Variants in WDR5 observed in about 807,000 individuals in gnomAD.
The protein encoded by WDR5 is WD repeat domain 5, also known as WD repeat-containing protein 5.
For missense variants in WDR5, 187 were observed against 416.9 expected (o/e 0.45, Z 4.80); for synonymous variants, 144 against 161.6 (o/e 0.89, Z 0.83).
intron 8 of WDR5, among the ~76,000 whole-genome samples, chr9:134,150,235 C>T (rs1832422675): frequency 6.6e-6 from 1 of 152,130 alleles, no homozygotes; most frequent in South Asian, 2.1e-4. Flanking sequence ...AAAGGAATTC[C>T]CATAGCCAAG....
chr9:134,155,266 T>A, intron 10 of WDR5, 74 bp from the exon 11 acceptor site: 1 of 1,465,570 alleles, frequency 6.8e-7, no homozygotes, highest in Non-Finnish European at 9.1e-7. Context: ...TGTGACGTAG[T>A]GGCTGCAGAG....
intron 7 of WDR5, among the ~76,000 whole-genome samples, chr9:134,147,423 C>T (rs950790059): frequency 1.3e-5 from 2 of 152,174 alleles, no homozygotes; most frequent in Admixed American, 1.3e-4. Flanking sequence ...TCTGGGGACA[C>T]ATGGCAATGT....
chr9:134,156,699 ACCT>A (rs1832760242), intron 13 of WDR5, 106 bp downstream of exon 13: 1 of 1,095,914 alleles, frequency 9.1e-7, no homozygotes, highest in African/African-American at 1.6e-5. Context: ...TCCCCTTCCC[ACCT>A]CAGCCCTCCG....
In WDR5 at chr9:134,154,450, T is replaced by TC. The variant is rs1214380722; in HGVS notation, c.632-14dup. On this transcript the variant is annotated splice_polypyrimidine_tract_variant and intron_variant, in intron 9 of 13. Coordinates refer to ENST00000358625, the MANE Select transcript of WDR5 (RefSeq NM_017588.3). ...GTCAGCGCCCGCCGTGTGTCACCTG[T>TC]CCGTTTTTATTGCAGATGACGACAA... 1.6e-5 allele frequency: 26 copies of TC among 1,613,924 alleles called. No individual in the cohort carries two copies. In the Admixed American group the frequency reaches 4.3e-4, roughly 27 times the overall value.
chr9:134,148,269 T>C lies in WDR5; in HGVS notation c.529-19T>C. Reference sequence around the variant, plus strand: ...TTGAAAGTAAGTTTTTGTCTCTTCTTCCTCTCCTTAATTCCTAGGTTCATT... The same window carrying C: ...TTGAAAGTAAGTTTTTGTCTCTTCTCCCTCTCCTTAATTCCTAGGTTCATT... On this transcript the variant is annotated intron_variant, in intron 7 of 13. Coordinates refer to ENST00000358625, the MANE Select transcript of WDR5 (RefSeq NM_017588.3). The C allele has an allele frequency of 6.3e-7, 1 of 1,597,458 alleles. No homozygotes were observed. The highest frequency in any genetic ancestry group is 8.5e-7 in the Non-Finnish European group (1 of 1,169,838).
rs1436917116 is a variant in WDR5 at position 134,159,393 on chromosome 9, C to G, written c.*1400C>G. 6.6e-6 allele frequency: 1 copy of G among 152,500 alleles called. No homozygotes were observed. The highest frequency in any genetic ancestry group is 2.4e-5 in the African/African-American group (1 of 41,440). 9.4% of individuals were successfully genotyped at this position (152,500 alleles called of 1,614,324 possible). A position where few individuals can be genotyped will look rare whatever the true frequency, so the allele number is the denominator to read the frequency against. ...TGGCCCCGGAGCCCAGCCAGCTCTGCCTCTCTCAGGGCCTGGAGTCCTGGG... is the reference window on the plus strand; with the variant it reads ...TGGCCCCGGAGCCCAGCCAGCTCTGGCTCTCTCAGGGCCTGGAGTCCTGGG... On this transcript the variant is annotated 3_prime_UTR_variant, in exon 14 of 14. Coordinates refer to ENST00000358625, the MANE Select transcript of WDR5 (RefSeq NM_017588.3). The surrounding 1 kb of genome is among the most constrained non-coding windows in gnomAD (Gnocchi z 4.3).
chr9:134,139,927 C>T lies in WDR5; in HGVS notation c.50C>T (p.Pro17Leu). 1 of 1,613,608 alleles carries T rather than the reference C, an allele frequency of 6.2e-7. No individual in the cohort carries two copies. Among genetic ancestry groups the T allele is most frequent in the Non-Finnish European group, 8.5e-7 (1 of 1,180,006 alleles). The change falls in exon 2 of 14, where the codon CCA (proline) becomes CTA (leucine). Residue 17 changes from proline (P) to leucine (L), a missense_variant. Physicochemically the swap from Pro to Leu is moderately conservative, Grantham distance 98. Coordinates refer to ENST00000358625, the MANE Select transcript of WDR5 (RefSeq NM_017588.3). ...GAGACCGAGGCCGCCAGAGCACAGC[C>T]AACCCCTTCGTCATCCGCCACTCAG... ...KPETEAARAQ[P>L]TPSSSATQSK... is the part of the protein sequence containing the mutation.
In WDR5 at chr9:134,142,404, C is replaced by T; in HGVS notation, c.426C>T (p.Asn142=). The change falls in exon 6 of 14, where the codon AAC becomes AAT. Residue 142 remains asparagine (N), a synonymous_variant. Transcript: ENST00000358625. ...GCTGCAACTTCAATCCCCAGTCCAA[C>T]CTTATTGTCTCAGGATCCGTAAGTG... ...VFCCNFNPQS[N]LIVSGSFDES... 13 of 1,614,194 alleles carry T rather than the reference C, an allele frequency of 8.1e-6. No individual in the cohort carries two copies. Among genetic ancestry groups the T allele is most frequent in the Non-Finnish European group, 1.1e-5 (13 of 1,180,030 alleles).
Position 134,151,964 on chromosome 9 carries a change from T to TG in WDR5, c.585-18dup. On this transcript the variant is annotated intron_variant, in intron 8 of 13. Transcript: ENST00000358625. Reference sequence around the variant, plus strand: ...CATAACTTGTCTGCTTACGCTTTTTTGTTCTCTTTGCTTCGAAGTCGCATC... The same window carrying TG: ...CATAACTTGTCTGCTTACGCTTTTTTGGTTCTCTTTGCTTCGAAGTCGCATC... The TG allele has an allele frequency of 6.2e-7, 1 of 1,612,950 alleles. No individual in the cohort carries two copies.
intron 1 of WDR5, among the ~76,000 whole-genome samples, chr9:134,137,679 A>C (rs1474065100): frequency 6.6e-5 from 9 of 136,632 alleles, no homozygotes; most frequent in Non-Finnish European, 9.7e-5. Context: ...AAAAAAAAAC[A>C]AAAACAAAAA....
intron 8 of WDR5, 84 bp from the exon 9 acceptor site, chr9:134,151,899 C>A: frequency 7.1e-7 from 1 of 1,401,088 alleles, no homozygotes; most frequent in South Asian, 1.3e-5. Flanking sequence ...GCGTGCTAGT[C>A]CTAAAATTTA....
chr9:134,153,892 C>CCT (rs1171384335), intron 9 of WDR5, among the ~76,000 whole-genome samples: 1 of 152,192 alleles, frequency 6.6e-6, no homozygotes, highest in Admixed American at 6.5e-5. Context: ...AAAACTCTGA[C>CCT]CTGTACATCG....
intron 5 of WDR5, 38 bp downstream of exon 5, chr9:134,142,076 G>T: frequency 6.3e-7 from 1 of 1,596,040 alleles, no homozygotes. Flanking sequence ...GGGGAGACCG[G>T]CTGCAGGGCA....
intron 1 of WDR5, among the ~76,000 whole-genome samples, chr9:134,139,143 G>A (rs28489135): frequency 0.051 from 7,702 of 152,294 alleles, 200 homozygotes; most frequent in Middle Eastern, 0.082. Flanking sequence ...TTTTCCAGAA[G>A]GCAGGATGTG....
Position 134,158,084 on chromosome 9 carries a change from C to A in WDR5, c.*91C>A. ...TCTTGGAGGTGGTCCCCCAGATCTGCGCCTGGGGGTCAGGACAGGGCCTGA... is the reference window on the plus strand; with the variant it reads ...TCTTGGAGGTGGTCCCCCAGATCTGAGCCTGGGGGTCAGGACAGGGCCTGA... On this transcript the variant is annotated 3_prime_UTR_variant, in exon 14 of 14. Transcript: ENST00000358625. 8.5e-7 allele frequency: 1 copy of A among 1,180,484 alleles called. No homozygotes were observed. The highest frequency in any genetic ancestry group is 1.3e-6 in the Non-Finnish European group (1 of 797,938). The allele number at this position is 1,180,484 out of a possible 1,614,324, so 73.1% of individuals were successfully genotyped here.
intron 1 of WDR5, among the ~76,000 whole-genome samples, chr9:134,138,849 A>G (rs1831723328): frequency 6.6e-6 from 1 of 152,226 alleles, no homozygotes; most frequent in South Asian, 2.1e-4. Flanking sequence ...GATTGATGGT[A>G]GTGCTAGCTT....
At chr9:134,145,131 C>G (rs1175661877) in intron 7 of WDR5, among the ~76,000 whole-genome samples, 2 of 105,846 alleles carry the variant, frequency 1.9e-5, no homozygotes, top group Non-Finnish European at 3.8e-5. Flanking sequence ...CAGAATCTCA[C>G]TCTGTTGCCC....
Position 134,139,896 on chromosome 9 carries a change from A to C in WDR5, c.19A>C (p.Lys7Gln), listed in dbSNP as rs367537994. 3 of 1,613,382 alleles carry C rather than the reference A, an allele frequency of 1.9e-6. No individual in the cohort carries two copies. Among genetic ancestry groups the C allele is most frequent in the South Asian group, 2.2e-5 (2 of 91,086 alleles). ...CAGAGCCATGGCGACGGAGGAGAAG[A>C]AGCCCGAGACCGAGGCCGCCAGAGC... MATEEKKPETEAARAQP... is the reference protein window; with the variant it reads MATEEKQPETEAARAQP... The change falls in exon 2 of 14, where the codon AAG becomes CAG. Residue 7 changes from lysine (K) to glutamine (Q), a missense_variant. Transcript: ENST00000358625.
intron 5 of WDR5, 59 bp downstream of exon 5, chr9:134,142,097 G>A: frequency 6.5e-7 from 1 of 1,534,906 alleles, no homozygotes; most frequent in Admixed American, 1.7e-5. Flanking sequence ...CGGGGCAGGT[G>A]CGGGGGACTG....
Sources: allele counts gnomAD v4.1 joint callset (sites outside exome capture counted in the v4.1 genomes callset), GRCh38; gene constraint gnomAD v4.1.1; non-coding constraint Gnocchi (gnomAD v3.1); transcripts MANE v1.5; gene names NCBI Gene and HGNC (gene_info 2026-07-23, HGNC 2026-07-21).